The following SORCS2 variants were observed in gnomAD, a reference collection of about 807,000 sequenced individuals.
SORCS2 encodes the protein sortilin related VPS10 domain containing receptor 2.
Under a neutral mutation model 141.6 loss-of-function variants are expected in SORCS2, and 100 were observed. The observed-to-expected ratio is 0.71, with a 90% CI of 0.60 to 0.83. The LOEUF is 0.83. SORCS2 is among the 40% of genes least tolerant of loss of function. The pLI is 0.00. For missense variants in SORCS2, 1,646 were observed against 1,560.2 expected, an observed-to-expected ratio of 1.05 and a Z score of -0.93; for synonymous variants, 789 against 676.9, an observed-to-expected ratio of 1.17 and a Z score of -2.57.
intron 3 of SORCS2, among the ~76,000 whole-genome samples, chr4:7,538,264 G>T (rs1712288192): frequency 1.3e-5 from 2 of 152,124 alleles, no homozygotes; most frequent in Non-Finnish European, 2.9e-5. Context: ...TTTTATTTTT[G>T]TCTCGCCTGC....
At chr4:7,461,577 A>G (rs4599414) in intron 2 of SORCS2, among the ~76,000 whole-genome samples, 92,433 of 152,188 alleles carry the variant, frequency 0.61, 30,186 homozygotes, top group African/African-American at 0.84. Context: ...CCAAGGACAT[A>G]ATGAGAAATG....
intron 3 of SORCS2, among the ~76,000 whole-genome samples, chr4:7,532,449 A>C (rs1352871057): frequency 6.6e-6 from 1 of 152,240 alleles, no homozygotes; most frequent in Non-Finnish European, 1.5e-5. Flanking sequence ...TGAGGTGGGC[A>C]CACAGGCCCC....
At chr4:7,489,330 A>C (rs1339920844) in intron 2 of SORCS2, among the ~76,000 whole-genome samples, 1 of 152,002 alleles carries the variant, frequency 6.6e-6, no homozygotes, top group African/African-American at 2.4e-5. Context: ...CCCACTTCCT[A>C]ATTTGTGGCT....
chr4:7,620,601 A>G (rs1719100511), intron 3 of SORCS2, among the ~76,000 whole-genome samples: 2 of 152,264 alleles, frequency 1.3e-5, no homozygotes, highest in African/African-American at 4.8e-5. Context: ...TGCGGCAGCC[A>G]CAATGCCAGG....
intron 17 of SORCS2, among the ~76,000 whole-genome samples, chr4:7,716,456 G>A (rs1034328465): frequency 2.6e-5 from 4 of 152,086 alleles, no homozygotes; most frequent in African/African-American, 7.2e-5. Flanking sequence ...CATTCTCCCA[G>A]GCATTCAACT....
chr4:7,474,548 G>A (rs1194422028), intron 2 of SORCS2, among the ~76,000 whole-genome samples: 1 of 152,212 alleles, frequency 6.6e-6, no homozygotes, highest in Admixed American at 6.5e-5. Flanking sequence ...CGGAGCAAGT[G>A]TCACAGAGTC....
At chr4:7,653,250 A>AT (rs1006253530) in intron 4 of SORCS2, among the ~76,000 whole-genome samples, 61 of 150,696 alleles carry the variant, frequency 4.0e-4, no homozygotes, top group African/African-American at 1.2e-3. Context: ...TAAAGACACA[A>AT]TTTTTTTTTT....
chr4:7,561,764 A>G (rs907057092), intron 3 of SORCS2, among the ~76,000 whole-genome samples: 4 of 93,938 alleles, frequency 4.3e-5, no homozygotes, highest in Admixed American at 2.9e-4. Flanking sequence ...TCTCTCCCTC[A>G]ATCCATCTGT....
At chr4:7,202,128 C>G (rs1004278781) in intron 1 of SORCS2, among the ~76,000 whole-genome samples, 6 of 152,126 alleles carry the variant, frequency 3.9e-5, no homozygotes, top group African/African-American at 1.4e-4. Flanking sequence ...AAGCACAGAC[C>G]ATCCCTGACC....
Position 7,404,297 on chromosome 4 carries a change from G to A in SORCS2, c.548+7942G>A, listed in dbSNP as rs10937815. 1.4e-3 allele frequency among the ~76,000 whole-genome samples: 212 copies of A among 151,946 alleles called. 1 individual carries two copies. The highest frequency in any genetic ancestry group is 4.8e-3 in the African/African-American group (200 of 41,478). On this transcript the variant is annotated intron_variant, in intron 2 of 26. Transcript: ENST00000507866. ...TCTTTTCTATTGTGAATAGTGCTGC[G>A]ATAAACATATGAGTGCAGGTGTCTT... is the stretch of plus-strand genomic sequence containing the variant.
At chr4:7,603,565 T>A (rs1162358904) in intron 3 of SORCS2, among the ~76,000 whole-genome samples, 1 of 152,248 alleles carries the variant, frequency 6.6e-6, no homozygotes, top group East Asian at 1.9e-4. Context: ...AGTCTTTGGT[T>A]CCTATTCATA....
intron 1 of SORCS2, among the ~76,000 whole-genome samples, chr4:7,389,349 C>T (rs1214406613): frequency 1.3e-5 from 2 of 152,118 alleles, no homozygotes; most frequent in African/African-American, 2.4e-5. Context: ...TGAGTTGGGC[C>T]TGAGTGACGT....
rs761821150 is a variant in SORCS2 at position 7,519,065 on chromosome 4, C to T, written c.549-12465C>T. Among the ~76,000 whole-genome samples the T allele has an allele frequency of 3.3e-4, 50 of 152,174 alleles. 1 individual carries two copies. Among genetic ancestry groups the T allele is most frequent in the Non-Finnish European group, 6.2e-4 (42 of 68,008 alleles). ...ATGGGACTGGAGGGTGGCTCTGTCA[C>T]CCGCCGTGGCTCTTGGAAGTGTGCC... On this transcript the variant is annotated intron_variant, in intron 2 of 26. Transcript: ENST00000507866.
intron 3 of SORCS2, among the ~76,000 whole-genome samples, chr4:7,637,139 C>T (rs62289059): frequency 0.28 from 43,056 of 152,082 alleles, 7,154 homozygotes; most frequent in East Asian, 0.72. Flanking sequence ...CTCCAATGAC[C>T]CTATTTCCAA....
rs959227979 is a variant in SORCS2, at chr4:7,450,679, G to A, written c.548+54324G>A. 4.6e-5 allele frequency among the ~76,000 whole-genome samples: 7 copies of A among 152,366 alleles called. 1 individual carries two copies. Among genetic ancestry groups the A allele is most frequent in the South Asian group, 4.1e-4 (2 of 4,834 alleles). On this transcript the variant is annotated intron_variant, in intron 2 of 26. Transcript: ENST00000507866. The stretch of plus-strand genomic sequence containing the variant: ...CCTGGCACATGGGACATGTACATCC[G>A]CAGCAGACTGAATGAATCTGAGTGA...
At chr4:7,443,355 G>T (rs1017253285) in intron 2 of SORCS2, among the ~76,000 whole-genome samples, 1 of 152,166 alleles carries the variant, frequency 6.6e-6, no homozygotes, top group Non-Finnish European at 1.5e-5. Flanking sequence ...GCGGGCACCC[G>T]GGTGTTTGTG....
intron 2 of SORCS2, among the ~76,000 whole-genome samples, chr4:7,505,589 G>A (rs539723457): frequency 6.6e-6 from 1 of 152,228 alleles, no homozygotes; most frequent in South Asian, 2.1e-4. Context: ...CCCTCCTCAT[G>A]GGTGTTCTGG....
intron 2 of SORCS2, among the ~76,000 whole-genome samples, chr4:7,450,437 G>A (rs533553672): frequency 3.3e-5 from 5 of 152,344 alleles, no homozygotes; most frequent in African/African-American, 7.2e-5. Flanking sequence ...AGTGTCAGGC[G>A]AGGCCCCATC....
At chr4:7,265,452 C>T (rs965027850) in intron 1 of SORCS2, among the ~76,000 whole-genome samples, 24 of 152,176 alleles carry the variant, frequency 1.6e-4, no homozygotes, top group Non-Finnish European at 2.5e-4. Context: ...GATTGCACCA[C>T]TGCACTCCAG....
Sources: gnomAD v4.1 joint callset for allele counts (sites outside exome capture counted in the v4.1 genomes callset) on GRCh38, gnomAD v4.1.1 for gene constraint, MANE v1.5 for transcripts, NCBI Gene and HGNC (gene_info 2026-07-23, HGNC 2026-07-21) for gene names.